Variants in AOPEP observed in about 807,000 individuals in gnomAD.
AOPEP encodes the protein aminopeptidase O (putative).
Under a neutral mutation model 98.1 loss-of-function variants are expected in AOPEP, and 77 were observed. The observed-to-expected ratio is 0.78, with a 90% CI of 0.65 to 0.95. The LOEUF is 0.95. Among genes scored for constraint, AOPEP ranks in the 40% least tolerant of loss-of-function variants. The pLI, the probability that AOPEP is intolerant of heterozygous loss-of-function variation, is 0.00. For missense variants in AOPEP, 1,024 were observed against 1,024.7 expected (o/e 1.00, Z 0.01); for synonymous variants, 346 against 365.3 (o/e 0.95, Z 0.60).
At position 95,016,329 on chromosome 9, in the gene AOPEP, G is replaced by A. The variant is rs532610235; in HGVS notation, c.2115+10713G>A. 1.3e-4 allele frequency among the ~76,000 whole-genome samples: 19 copies of A among 146,958 alleles called. No individual in the cohort carries two copies. In the South Asian group the frequency reaches 1.5e-3, roughly 12 times the overall value. On this transcript the variant is annotated intron_variant, in intron 13 of 16. Transcript: ENST00000375315. ...GCGATCTTGGCCCACTGCAACGTCAGCCTCCCGGGTTCAAGCCATTCTCCC... is the reference window on the plus strand; with the variant it reads ...GCGATCTTGGCCCACTGCAACGTCAACCTCCCGGGTTCAAGCCATTCTCCC...
chr9:94,855,049 A>G (rs921466326), intron 5 of AOPEP, among the ~76,000 whole-genome samples: 2 of 152,150 alleles, frequency 1.3e-5, no homozygotes, highest in African/African-American at 4.8e-5. Context: ...CCTATTCTTT[A>G]AAATAATTTT....
intron 4 of AOPEP, among the ~76,000 whole-genome samples, chr9:94,794,306 A>G (rs546788811): frequency 6.6e-6 from 1 of 152,308 alleles, no homozygotes; most frequent in South Asian, 2.1e-4. Context: ...ACCCGGCTCA[A>G]TTGTGTCATT....
At chr9:94,931,750 C>G in intron 7 of AOPEP, 1 of 1,550,558 alleles carries the variant, frequency 6.4e-7, no homozygotes, top group South Asian at 1.2e-5. Context: ...GGAAGCTTCT[C>G]TTGAGATCTT....
chr9:94,755,468 C>T (rs989279001), intron 1 of AOPEP, among the ~76,000 whole-genome samples: 6 of 152,128 alleles, frequency 3.9e-5, no homozygotes, highest in African/African-American at 1.4e-4. Context: ...ACAAGTAAGA[C>T]ATAGACAAAT....
intron 11 of AOPEP, among the ~76,000 whole-genome samples, chr9:95,001,348 A>G (rs547946631): frequency 1.3e-5 from 2 of 152,378 alleles, no homozygotes; most frequent in African/African-American, 4.8e-5. Flanking sequence ...TCTTAGAACA[A>G]CTTCCTTTCA....
At chr9:94,851,549 G>A (rs1468837207) in intron 5 of AOPEP, among the ~76,000 whole-genome samples, 1 of 151,592 alleles carries the variant, frequency 6.6e-6, no homozygotes, top group African/African-American at 2.4e-5. Context: ...TTCCCCTGAC[G>A]AGCCTTCCCT....
intron 5 of AOPEP, among the ~76,000 whole-genome samples, chr9:94,909,172 G>A (rs76289003): frequency 0.011 from 1,750 of 152,204 alleles, 33 homozygotes; most frequent in African/African-American, 0.04. Flanking sequence ...CCTGTTCTCC[G>A]AAGGGGTGAG....
intron 3 of AOPEP, among the ~76,000 whole-genome samples, chr9:94,774,153 A>G (rs954841803): frequency 6.6e-6 from 1 of 152,012 alleles, no homozygotes; most frequent in African/African-American, 2.4e-5. Context: ...TCTACTAAAA[A>G]TACAAAAAAT....
chr9:94,927,991 C>A (rs1334561226), intron 6 of AOPEP, among the ~76,000 whole-genome samples: 2 of 152,214 alleles, frequency 1.3e-5, no homozygotes, highest in African/African-American at 4.8e-5. Context: ...GTTGCATTAG[C>A]AGGCCCCGCT....
intron 13 of AOPEP, among the ~76,000 whole-genome samples, chr9:95,011,046 C>G (rs1017158264): frequency 2.0e-5 from 3 of 152,184 alleles, no homozygotes; most frequent in African/African-American, 7.2e-5. Context: ...TTCACAAAGT[C>G]TTAGCTTTGT....
the AOPEP span, among the ~76,000 whole-genome samples, chr9:95,139,994 C>G: frequency 5.9e-5 from 9 of 151,786 alleles, no homozygotes; most frequent in Non-Finnish European, 1.2e-4. Flanking sequence ...TTTTTCTTCT[C>G]TATAATGGTT....
At chr9:94,891,428 A>C (rs2048868218) in intron 5 of AOPEP, among the ~76,000 whole-genome samples, 1 of 152,202 alleles carries the variant, frequency 6.6e-6, no homozygotes, top group African/African-American at 2.4e-5. Context: ...GCTAGGGCTT[A>C]AGTTAGCCAT....
chr9:94,898,804 G>A (rs894391173), intron 5 of AOPEP, among the ~76,000 whole-genome samples: 1 of 150,966 alleles, frequency 6.6e-6, no homozygotes, highest in African/African-American at 2.4e-5. Context: ...TTAGCAGGGC[G>A]TGGTGGCAGG....
At chr9:94,968,523 T>C (rs2059345398) in intron 10 of AOPEP, among the ~76,000 whole-genome samples, 1 of 151,432 alleles carries the variant, frequency 6.6e-6, no homozygotes, top group African/African-American at 2.4e-5. Flanking sequence ...ATTACAGGGG[T>C]GTGCCACCAC....
chr9:94,994,290 ACT>A (rs924237020), intron 11 of AOPEP, among the ~76,000 whole-genome samples: 4 of 152,094 alleles, frequency 2.6e-5, no homozygotes, highest in African/African-American at 9.7e-5. Context: ...AGATTGTCTA[ACT>A]CTCTATAGAA....
rs562717154 is a variant in AOPEP, at chr9:94,760,239, T to G, written c.456T>G (p.Ser152=). Residue 152 remains serine (S), a synonymous_variant, in exon 2 of 17, where the codon TCT becomes TCG. Transcript: ENST00000375315. ...TAGTGTTGGACTGCTGTGATTTATC[T>G]GTGTTAAAAGTCGAGGAGGTGGATG... ...FLLVLDCCDL[S]VLKVEEVDVA... 1 of 1,614,212 alleles carries G rather than the reference T, an allele frequency of 6.2e-7. No homozygotes were observed. The highest frequency in any genetic ancestry group is 2.2e-5 in the East Asian group (1 of 44,896).
chr9:94,801,757 A>C (rs1448359462), intron 5 of AOPEP, among the ~76,000 whole-genome samples: 1 of 152,210 alleles, frequency 6.6e-6, no homozygotes, highest in Non-Finnish European at 1.5e-5. Flanking sequence ...TAAAATCTTA[A>C]TCATTAGCAG....
At chr9:95,101,394 AGAAACCTGTTCTCCCACCCAG>A in the AOPEP span, 1 of 440,398 alleles carries the variant, frequency 2.3e-6, no homozygotes. Context: ...GGTAAAAACT[AGAAACCTGTTCTCCCACCCAG>A]GCCTTTGCTT....
chr9:95,106,806 G>A, the AOPEP span, among the ~76,000 whole-genome samples: 21 of 152,208 alleles, frequency 1.4e-4, no homozygotes, highest in East Asian at 3.8e-4. Context: ...GGCTTCTACC[G>A]CAGGCTTTGG....
Sources: allele counts gnomAD v4.1 joint callset (sites outside exome capture counted in the v4.1 genomes callset), GRCh38; gene constraint gnomAD v4.1.1; transcripts MANE v1.5; gene names NCBI Gene and HGNC (gene_info 2026-07-23, HGNC 2026-07-21).